MYO5B: variants seen among roughly 807,000 people sequenced by gnomAD.
MYO5B encodes the protein unconventional myosin-Vb.
In MYO5B, 143 loss-of-function variants were observed where a neutral mutation model predicts 229.3. That is an observed-to-expected ratio of 0.62 (90% CI 0.54 to 0.72). The LOEUF (loss-of-function observed/expected upper bound fraction) is 0.72, where lower values mean the gene tolerates loss of function less well. Among genes scored for constraint, MYO5B ranks in the 30% least tolerant of loss-of-function variants. The probability of loss-of-function intolerance (pLI) is 0.00; values close to 1 mark genes in which losing one functional copy is unlikely to be tolerated. For synonymous variants in MYO5B, 918 were observed against 885.2 expected, an observed-to-expected ratio of 1.04 and a Z score of -0.66; for missense variants, 2,321 against 2,331.0, an observed-to-expected ratio of 1.00 and a Z score of 0.09.
chr18:50,183,962 A>G (rs1411870397), intron 1 of MYO5B, among the ~76,000 whole-genome samples: 1 of 152,170 alleles, frequency 6.6e-6, no homozygotes, highest in Non-Finnish European at 1.5e-5. Flanking sequence ...ATTCTCCACC[A>G]TGTTATGACA....
chr18:50,108,430 A>G (rs1023800727), intron 1 of MYO5B, among the ~76,000 whole-genome samples: 1 of 152,244 alleles, frequency 6.6e-6, no homozygotes, highest in African/African-American at 2.4e-5. Flanking sequence ...ATTCTAGTAC[A>G]TGAACAAACC....
rs540220867 is a variant in MYO5B, at chr18:49,825,996, C to T, written c.*475G>A. On this transcript the variant is annotated 3_prime_UTR_variant, in exon 40 of 40. Transcript: ENST00000285039. The stretch of plus-strand genomic sequence containing the variant: ...ACATCTCACCACAAACTCAACCACA[C>T]CTATGGTTTGCAAACTTTGGGAAAT... 56 of 180,878 alleles carry T rather than the reference C, an allele frequency of 3.1e-4. No individual in the cohort carries two copies. Among genetic ancestry groups the T allele is most frequent in the Middle Eastern group, 5.4e-3 (2 of 370 alleles). 11.2% of individuals were successfully genotyped at this position (180,878 alleles called of 1,614,324 possible). A position where few individuals can be genotyped will look rare whatever the true frequency, so the allele number is the denominator to read the frequency against.
At chr18:50,150,070 A>T (rs2032573088) in intron 1 of MYO5B, among the ~76,000 whole-genome samples, 1 of 149,394 alleles carries the variant, frequency 6.7e-6, no homozygotes, top group Non-Finnish European at 1.5e-5. Flanking sequence ...CAGCCAAAAA[A>T]CACATGAAAA....
At position 49,953,283 on chromosome 18, in the gene MYO5B, T is replaced by C. The variant is rs1425069874; in HGVS notation, c.1729A>G (p.Ile577Val). 2 of 1,614,030 alleles carry C rather than the reference T, an allele frequency of 1.2e-6. No homozygotes were observed. Among genetic ancestry groups the C allele is most frequent in the Non-Finnish European group, 1.7e-6 (2 of 1,180,028 alleles). ...KNRDTVYEEQ[I>V]NILKASKFPL... ...ACCTTGCTGGCCTTCAGGATATTGA[T>C]CTGCTCTTCATACACCGTGTCTCTG... The change falls in exon 14 of 40, where the codon ATC becomes GTC. Residue 577 changes from isoleucine to valine, a missense_variant. This residue lies in a region of MYO5B where 2,113 missense variants were observed against 2,044.7 expected (regional missense o/e 1.03). Transcript: ENST00000285039.
rs562212845 is a variant in MYO5B at position 50,025,963 on chromosome 18, T to C, written c.455+10887A>G. 1.0e-3 allele frequency among the ~76,000 whole-genome samples: 156 copies of C among 152,258 alleles called. 1 individual carries two copies. The highest frequency in any genetic ancestry group is 1.9e-3 in the Non-Finnish European group (128 of 68,044). ...AATTGTTTTCTGTGACACTGTACTA[T>C]ATTATGCATAGTATAAAACATATAC... On this transcript the variant is annotated intron_variant, in intron 4 of 39. Transcript: ENST00000285039.
intron 2 of MYO5B, among the ~76,000 whole-genome samples, chr18:50,049,367 C>T (rs1460981665): frequency 6.6e-6 from 1 of 152,154 alleles, no homozygotes; most frequent in Non-Finnish European, 1.5e-5. Context: ...TGATAAACTG[C>T]CTGGTCAACA....
chr18:49,871,305 A>G (rs1568619100), intron 27 of MYO5B, among the ~76,000 whole-genome samples: 1 of 152,218 alleles, frequency 6.6e-6, no homozygotes, highest in Non-Finnish European at 1.5e-5. Context: ...GTTAATGGGT[A>G]CGGGCTTCAG....
chr18:49,922,428 A>T (rs1163741560), intron 17 of MYO5B, among the ~76,000 whole-genome samples: 4 of 152,198 alleles, frequency 2.6e-5, no homozygotes, highest in African/African-American at 9.7e-5. Context: ...TCATCCTCAA[A>T]GTAAATGCCA....
chr18:49,847,003 C>T, intron 33 of MYO5B, 143 bp downstream of exon 33: 1 of 971,802 alleles, frequency 1.0e-6, no homozygotes. Context: ...AAGATGGGGG[C>T]AGGTGCAAGG....
chr18:49,864,683 A>G (rs1033024513), intron 27 of MYO5B, among the ~76,000 whole-genome samples: 4 of 152,266 alleles, frequency 2.6e-5, no homozygotes, highest in African/African-American at 7.2e-5. Context: ...CCTTGTGGAA[A>G]TGCTGGGCTC....
At chr18:49,949,481 C>T (rs781649091) in intron 14 of MYO5B, among the ~76,000 whole-genome samples, 6 of 152,190 alleles carry the variant, frequency 3.9e-5, no homozygotes, top group Non-Finnish European at 5.9e-5. Context: ...TACATTACAA[C>T]CGCTCAGACA....
chr18:50,043,379 TATATTAAATATATTTAAATATATTAA>T (rs2030098061), intron 2 of MYO5B, among the ~76,000 whole-genome samples: 3 of 69,322 alleles, frequency 4.3e-5, no homozygotes, highest in Admixed American at 2.1e-4. Flanking sequence ...TAATATATAA[TATATTAAATATATTTAAATATATTAA>T]ATATTAAATA....
intron 5 of MYO5B, among the ~76,000 whole-genome samples, chr18:50,000,245 C>A (rs1255451903): frequency 2.0e-5 from 3 of 152,216 alleles, no homozygotes; most frequent in Non-Finnish European, 1.5e-5. Flanking sequence ...TGACTTGTGC[C>A]TTAGTCGATG....
At chr18:50,132,591 G>A (rs2032271218) in intron 1 of MYO5B, among the ~76,000 whole-genome samples, 1 of 152,166 alleles carries the variant, frequency 6.6e-6, no homozygotes, top group Non-Finnish European at 1.5e-5. Flanking sequence ...TTTCACTTGT[G>A]CTCAGTAAAA....
chr18:50,162,503 A>G (rs2032781830), intron 1 of MYO5B, among the ~76,000 whole-genome samples: 1 of 152,164 alleles, frequency 6.6e-6, no homozygotes, highest in African/African-American at 2.4e-5. Flanking sequence ...CAAAGAGCGT[A>G]TTTTCCATGA....
rs532846330 is a variant in MYO5B, at chr18:50,081,958, TGTTTG to T, written c.28-26585_28-26581del. Among the ~76,000 whole-genome samples the T allele has an allele frequency of 9.2e-5, 14 of 152,348 alleles. No individual in the cohort carries two copies. In the East Asian group the frequency reaches 2.7e-3, roughly 29 times the overall value. On this transcript the variant is annotated intron_variant, in intron 1 of 39. Coordinates refer to ENST00000285039, the MANE Select transcript of MYO5B (RefSeq NM_001080467.3). ...CCTGAAATTTTACCAAGAAGTAATTTGTTTGGTTTAACAAAATTCTTTTCTAAAAG... is the reference window on the plus strand; with the variant it reads ...CCTGAAATTTTACCAAGAAGTAATTTGTTTAACAAAATTCTTTTCTAAAAG...
intron 1 of MYO5B, among the ~76,000 whole-genome samples, chr18:50,122,456 A>AAAAAG: frequency 6.8e-6 from 1 of 148,102 alleles, no homozygotes; most frequent in Non-Finnish European, 1.5e-5. Flanking sequence ...AAAAAAAAAA[A>AAAAAG]AAAAATCAGC....
chr18:50,021,818 T>C (rs1258323187), intron 4 of MYO5B, among the ~76,000 whole-genome samples: 3 of 152,096 alleles, frequency 2.0e-5, no homozygotes, highest in African/African-American at 7.2e-5. Flanking sequence ...GATTTCTTAC[T>C]TGTACATTCC....
At chr18:49,836,974 G>A in intron 37 of MYO5B, 89 bp from the exon 38 acceptor site, 1 of 1,237,094 alleles carries the variant, frequency 8.1e-7, no homozygotes, top group Non-Finnish European at 1.2e-6. Flanking sequence ...CAGGCCCGCT[G>A]CAGCTAGTGC....
Sources: allele counts gnomAD v4.1 joint callset (sites outside exome capture counted in the v4.1 genomes callset), GRCh38; gene constraint gnomAD v4.1.1; regional missense constraint gnomAD v4.1.1; transcripts MANE v1.5; gene names NCBI Gene and HGNC (gene_info 2026-07-23, HGNC 2026-07-21).